FLT1: variants seen among roughly 807,000 people sequenced by gnomAD.
FLT1 encodes the protein vascular endothelial growth factor receptor 1.
In FLT1, 49 loss-of-function variants were observed where a neutral mutation model predicts 156.3. That is an observed-to-expected ratio of 0.31 (90% CI 0.25 to 0.40). The LOEUF (loss-of-function observed/expected upper bound fraction) is 0.40. FLT1 is among the 10% of genes least tolerant of loss of function. The pLI, the probability that FLT1 is intolerant of heterozygous loss-of-function variation, is 1.00. For synonymous variants in FLT1, 594 were observed against 583.8 expected (o/e 1.02, Z -0.25); for missense variants, 1,322 against 1,637.2 (o/e 0.81, Z 3.32).
At position 28,396,719 on chromosome 13, in the gene FLT1, A is replaced by G. The variant is rs563461174; in HGVS notation, c.1660+241T>C. On this transcript the variant is annotated intron_variant, in intron 12 of 29. Coordinates refer to ENST00000282397, the MANE Select transcript of FLT1 (RefSeq NM_002019.4). ...GAGCATACAAGATTCCCAATTCATA[A>G]TCCAGTCTGGGAGGGAGACAAACAC... The G allele has an allele frequency of 1.6e-5, 10 of 621,856 alleles. No homozygotes were observed. In the East Asian group the frequency reaches 3.1e-4, roughly 19 times the overall value. The allele number at this position is 621,856 out of a possible 1,614,324, so 38.5% of individuals were successfully genotyped here. A position where few individuals can be genotyped will look rare whatever the true frequency, so the allele number is the denominator to read the frequency against.
chr13:28,448,149 A>G (rs1878721911), intron 3 of FLT1, among the ~76,000 whole-genome samples: 3 of 152,244 alleles, frequency 2.0e-5, no homozygotes, highest in Admixed American at 2.0e-4. Context: ...ACTCTCATCC[A>G]CTGCTGGTGG....
chr13:28,303,116 T>C lies in FLT1; in HGVS notation c.*51A>G. 1 of 1,531,340 alleles carries C rather than the reference T, an allele frequency of 6.5e-7. No homozygotes were observed. The highest frequency in any genetic ancestry group is 9.0e-7 in the Non-Finnish European group (1 of 1,116,350). 94.9% of individuals were successfully genotyped at this position (1,531,340 alleles called of 1,614,324 possible). A position where few individuals can be genotyped will look rare whatever the true frequency, so the allele number is the denominator to read the frequency against. On this transcript the variant is annotated 3_prime_UTR_variant, in exon 30 of 30. Coordinates refer to ENST00000282397, the MANE Select transcript of FLT1 (RefSeq NM_002019.4). Reference sequence around the variant, plus strand: ...ATAATACTGGCAAAAGCTAGTTTCCTGGGGGTATAAATACACATGTGCTTC... The same window carrying C: ...ATAATACTGGCAAAAGCTAGTTTCCCGGGGGTATAAATACACATGTGCTTC...
chr13:28,319,424 T>G lies in FLT1; in HGVS notation c.3285A>C (p.Leu1095Phe). Residue 1095 changes from leucine (L) to phenylalanine (F), a missense_variant and splice_region_variant, in exon 24 of 30, where the codon TTA becomes TTC. Physicochemically the swap from Leu to Phe is conservative, Grantham distance 22. Coordinates refer to ENST00000282397, the MANE Select transcript of FLT1 (RefSeq NM_002019.4). ...YGVLLWEIFS[L>F]GGSPYPGVQM... ...ATTTCTTCCTTCTCCCAAATTTACC[T>G]AAGGAGAAGATTTCCCACAGCAATA... The G allele has an allele frequency of 1.3e-6, 2 of 1,598,740 alleles. No individual in the cohort carries two copies. Among genetic ancestry groups the G allele is most frequent in the Non-Finnish European group, 1.7e-6 (2 of 1,166,198 alleles).
intron 14 of FLT1, among the ~76,000 whole-genome samples, chr13:28,381,136 A>G (rs1874064428): frequency 6.6e-6 from 1 of 152,168 alleles, no homozygotes; most frequent in Non-Finnish European, 1.5e-5. Flanking sequence ...CTGATTCTTT[A>G]ACCCACTTCC....
intron 3 of FLT1, among the ~76,000 whole-genome samples, chr13:28,451,077 T>C (rs1323620186): frequency 6.6e-6 from 1 of 152,138 alleles, no homozygotes; most frequent in Non-Finnish European, 1.5e-5. Flanking sequence ...TCTGCTTAGC[T>C]CTCTGCTGTA....
chr13:28,443,906 C>T (rs1053669212), intron 3 of FLT1, among the ~76,000 whole-genome samples: 1 of 152,080 alleles, frequency 6.6e-6, no homozygotes, highest in Non-Finnish European at 1.5e-5. Context: ...AGTAGTTATA[C>T]TAACATCAGA....
At chr13:28,440,497 G>A (rs1878277090) in intron 3 of FLT1, among the ~76,000 whole-genome samples, 1 of 152,208 alleles carries the variant, frequency 6.6e-6, no homozygotes, top group Admixed American at 6.5e-5. Flanking sequence ...TGGTTTTTCA[G>A]AGATGAAGGC....
At chr13:28,327,043 G>A (rs1254847813) in intron 20 of FLT1, among the ~76,000 whole-genome samples, 2 of 152,210 alleles carry the variant, frequency 1.3e-5, no homozygotes, top group African/African-American at 4.8e-5. Context: ...AAGTCACTCA[G>A]TTGATTTAGC....
chr13:28,420,245 G>T (rs920504847), intron 10 of FLT1, among the ~76,000 whole-genome samples: 1 of 151,996 alleles, frequency 6.6e-6, no homozygotes, highest in African/African-American at 2.4e-5. Context: ...TTCACTTTTG[G>T]CTTGTGATGA....
intron 10 of FLT1, among the ~76,000 whole-genome samples, chr13:28,416,418 A>G (rs757562009): frequency 1.7e-4 from 26 of 152,212 alleles, no homozygotes; most frequent in Non-Finnish European, 3.4e-4. Flanking sequence ...GACACAACCA[A>G]TCCTGGTAGT....
At position 28,354,447 on chromosome 13, in the gene FLT1, C is replaced by T. The variant is rs182833928; in HGVS notation, c.2248+3107G>A. On this transcript the variant is annotated intron_variant, in intron 15 of 29. Coordinates refer to ENST00000282397, the MANE Select transcript of FLT1 (RefSeq NM_002019.4). ...GGTGTGTCAAAGAATGAGTTAAATG[C>T]CTCTTCTGTCAGAAAGCTCCTAAAC... Among the ~76,000 whole-genome samples, 3 of 152,282 alleles carry T rather than the reference C, an allele frequency of 2.0e-5. No homozygotes were observed. In the East Asian group the frequency reaches 5.8e-4, roughly 29 times the overall value.
chr13:28,451,464 G>C (rs1039749005), intron 3 of FLT1, among the ~76,000 whole-genome samples: 2 of 152,216 alleles, frequency 1.3e-5, no homozygotes, highest in African/African-American at 4.8e-5. Context: ...AGTCACACCA[G>C]AGCAAGCCCT....
In FLT1 at chr13:28,450,934, A is replaced by T. The variant is rs79042691; in HGVS notation, c.389-12589T>A. 4.7e-3 allele frequency among the ~76,000 whole-genome samples: 720 copies of T among 152,304 alleles called. 9 individuals carry two copies. The highest frequency in any genetic ancestry group is 0.017 in the African/African-American group (687 of 41,556). ...TCAAGCGTGACAATTACATCTTCAA[A>T]TATCCACACTCAGTGGGAGAAATGA... On this transcript the variant is annotated intron_variant, in intron 3 of 29. Transcript: ENST00000282397.
intron 14 of FLT1, among the ~76,000 whole-genome samples, chr13:28,373,882 C>A (rs1001764859): frequency 2.6e-5 from 4 of 152,148 alleles, no homozygotes; most frequent in Non-Finnish European, 5.9e-5. Flanking sequence ...TATCTCTTCT[C>A]TTTGTTTTTC....
At chr13:28,388,466 A>T (rs1334112348) in intron 13 of FLT1, 28 of 1,015,160 alleles carry the variant, frequency 2.8e-5, no homozygotes, top group Admixed American at 5.6e-5. Flanking sequence ...TTTTTTTTTT[A>T]AATAGTTTAT....
chr13:28,405,783 A>G lies in FLT1; in HGVS notation c.1548T>C (p.Asn516=). The G allele has an allele frequency of 4.1e-6, 6 of 1,474,644 alleles. No individual in the cohort carries two copies. The highest frequency in any genetic ancestry group is 4.7e-6 in the Non-Finnish European group (5 of 1,053,370). The allele number at this position is 1,474,644 out of a possible 1,614,324, so 91.3% of individuals were successfully genotyped here. A position where few individuals can be genotyped will look rare whatever the true frequency, so the allele number is the denominator to read the frequency against. ...TGCGCATTTTTACAAACAATACCTT[A>G]TTCTTTCCTTCTATTATTGCCATGC... ...TQRMAIIEGK[N]KMASTLVVAD... is the part of the protein sequence containing the mutation. Residue 516 remains asparagine (N), a synonymous_variant, in exon 11 of 30, where the codon AAT becomes AAC. Coordinates refer to ENST00000282397, the MANE Select transcript of FLT1 (RefSeq NM_002019.4).
chr13:28,471,541 A>G (rs1880180690), intron 1 of FLT1, among the ~76,000 whole-genome samples: 1 of 152,216 alleles, frequency 6.6e-6, no homozygotes, highest in Non-Finnish European at 1.5e-5. Flanking sequence ...AGTGATTTAT[A>G]TAAAGATAGA....
At chr13:28,370,113 G>A (rs575390025) in intron 14 of FLT1, among the ~76,000 whole-genome samples, 4 of 152,144 alleles carry the variant, frequency 2.6e-5, no homozygotes, top group African/African-American at 9.6e-5. Flanking sequence ...GGGAGAGTTG[G>A]GAGGAGGCTG....
At chr13:28,419,266 A>G (rs1316414443) in intron 10 of FLT1, among the ~76,000 whole-genome samples, 2 of 152,178 alleles carry the variant, frequency 1.3e-5, no homozygotes, top group Non-Finnish European at 2.9e-5. Flanking sequence ...ATTTTACATT[A>G]AAGTCACATA....
Sources: allele counts gnomAD v4.1 joint callset (sites outside exome capture counted in the v4.1 genomes callset), GRCh38; gene constraint gnomAD v4.1.1; transcripts MANE v1.5; gene names NCBI Gene and HGNC (gene_info 2026-07-23, HGNC 2026-07-21).